Variants in BCOR observed in about 807,000 individuals in gnomAD.
BCOR encodes BCL6 corepressor, also known as BCL-6 corepressor.
A neutral mutation model predicts 86.7 loss-of-function variants in BCOR; 10 were observed. That is an observed-to-expected ratio of 0.12 (90% CI 0.07 to 0.20). The LOEUF is 0.20. Ranked by LOEUF, BCOR falls within the 10% of genes least tolerant of loss-of-function variation. The pLI is 1.00. For missense variants in BCOR, 1,259 were observed against 1,452.1 expected (o/e 0.87, Z 2.16); for synonymous variants, 611 against 609.0 (o/e 1.00, Z -0.05).
intron 1 of BCOR, among the ~76,000 whole-genome samples, chrX:40,080,807 T>C (rs1832265113): frequency 1.1e-5 from 1 of 93,438 alleles, no homozygotes; most frequent in Admixed American, 1.2e-4. Flanking sequence ...AGCAGAGCGG[T>C]TCACTGTCGT....
At chrX:40,109,819 G>A (rs1296350678) in intron 1 of BCOR, among the ~76,000 whole-genome samples, 1 of 112,629 alleles carries the variant, frequency 8.9e-6, no homozygotes, top group African/African-American at 3.2e-5. Context: ...CAAAGTTCCT[G>A]TGGAAACTCC....
At chrX:40,055,579 C>T in intron 11 of BCOR, 66 bp from the exon 12 acceptor site, 3 of 1,157,426 alleles carry the variant, frequency 2.6e-6, no homozygotes, top group Non-Finnish European at 3.5e-6. Context: ...GCAGTTGTCT[C>T]CTTTAAAAGC....
At chrX:40,135,188 C>T (rs1228814430) in intron 1 of BCOR, among the ~76,000 whole-genome samples, 1 of 111,088 alleles carries the variant, frequency 9.0e-6, no homozygotes, top group Non-Finnish European at 1.9e-5. Flanking sequence ...CCTGCACAGC[C>T]TGCGAGACTG....
intron 1 of BCOR, among the ~76,000 whole-genome samples, chrX:40,147,153 T>C (rs111274538): frequency 0.034 from 3,745 of 110,314 alleles, 144 homozygotes; most frequent in African/African-American, 0.12. Flanking sequence ...GCACTCTGGA[T>C]ACCCTCGTCC....
chrX:40,117,211 G>T (rs1043934991), intron 1 of BCOR, among the ~76,000 whole-genome samples: 4 of 111,700 alleles, frequency 3.6e-5, no homozygotes, highest in Non-Finnish European at 5.6e-5. Context: ...CTCCTCAGAA[G>T]AGAGTAAATA....
intron 1 of BCOR, among the ~76,000 whole-genome samples, chrX:40,158,311 G>C (rs1163080152): frequency 3.6e-5 from 4 of 112,094 alleles, no homozygotes; most frequent in Non-Finnish European, 3.8e-5. Context: ...CCCCGGACGC[G>C]GGCGGCTGCG....
At chrX:40,092,386 A>G (rs1451710578) in intron 1 of BCOR, among the ~76,000 whole-genome samples, 4 of 111,007 alleles carry the variant, frequency 3.6e-5, no homozygotes, top group African/African-American at 1.3e-4. Context: ...GCCGGAGTTT[A>G]CGTGCGCGTC....
At chrX:40,117,688 G>A (rs1356382833) in intron 1 of BCOR, among the ~76,000 whole-genome samples, 1 of 111,011 alleles carries the variant, frequency 9.0e-6, no homozygotes, top group Admixed American at 9.6e-5. Flanking sequence ...GGTGGTACAC[G>A]ATCATGGAAA....
intron 1 of BCOR, among the ~76,000 whole-genome samples, chrX:40,122,377 C>T (rs1217432221): frequency 9.0e-6 from 1 of 111,079 alleles, no homozygotes; most frequent in Non-Finnish European, 1.9e-5. Flanking sequence ...ACAAGAACTA[C>T]CCCATCTGGC....
chrX:40,151,355 T>C (rs1466141373), intron 1 of BCOR, among the ~76,000 whole-genome samples: 3 of 112,553 alleles, frequency 2.7e-5, no homozygotes, highest in Admixed American at 9.3e-5. Context: ...TTTCCTGGAA[T>C]GAACAGAAGT....
At chrX:40,062,500 T>C in intron 9 of BCOR, 107 bp from the exon 10 acceptor site, 1 of 1,036,602 alleles carries the variant, frequency 9.6e-7, no homozygotes, top group Non-Finnish European at 1.3e-6. Context: ...AGAGGCACTT[T>C]ATTCCTTATC....
intron 1 of BCOR, among the ~76,000 whole-genome samples, chrX:40,142,085 T>C (rs760485477): frequency 8.9e-6 from 1 of 112,453 alleles, no homozygotes; most frequent in Non-Finnish European, 1.9e-5. Flanking sequence ...ATAGTGCTGG[T>C]AGCCCCCTTT....
chrX:40,062,602 A>G (rs1444678147), intron 9 of BCOR, 144 bp downstream of exon 9: 6 of 748,141 alleles, frequency 8.0e-6, no homozygotes, highest in Non-Finnish European at 1.2e-5. Flanking sequence ...CACCCAGAAG[A>G]CATGCTCCTC....
At chrX:40,121,713 G>T (rs1395083891) in intron 1 of BCOR, among the ~76,000 whole-genome samples, 5 of 112,771 alleles carry the variant, frequency 4.4e-5, no homozygotes, top group Admixed American at 2.8e-4. Context: ...GATGGCTTGG[G>T]AGGCCTCTTT....
At chrX:40,149,824 T>C (rs905538491) in intron 1 of BCOR, among the ~76,000 whole-genome samples, 1 of 111,925 alleles carries the variant, frequency 8.9e-6, no homozygotes, top group Non-Finnish European at 1.9e-5. Flanking sequence ...GGAATCCCAA[T>C]GGCTCCGAAT....
In BCOR at chrX:40,138,059, T is replaced by A. The variant is rs1387250461; in HGVS notation, c.-41+38948A>T. ...CCTCCGCCTTCCGGGTTCAAGTGAT[T>A]CTCCTGCCTCAGCCTCCCGAGTAGC... is the stretch of plus-strand genomic sequence containing the variant. On this transcript the variant is annotated intron_variant, in intron 1 of 14. Transcript: ENST00000342274. Among the ~76,000 whole-genome samples the A allele has an allele frequency of 2.7e-5, 3 of 111,436 alleles. No individual in the cohort carries two copies. In the Admixed American group the frequency reaches 2.8e-4, roughly 11 times the overall value.
At chrX:40,106,190 C>A (rs1187400023) in intron 1 of BCOR, among the ~76,000 whole-genome samples, 7 of 111,426 alleles carry the variant, frequency 6.3e-5, no homozygotes, top group Non-Finnish European at 9.5e-5. Context: ...GCCTCACCCA[C>A]CCCCCACCTC....
chrX:40,070,706 T>A (rs1274044831), intron 6 of BCOR, among the ~76,000 whole-genome samples: 1 of 111,756 alleles, frequency 8.9e-6, no homozygotes, highest in Non-Finnish European at 1.9e-5. Flanking sequence ...CTACAAAATA[T>A]AACCTGTCCC....
At chrX:40,152,890 G>A (rs748750860) in intron 1 of BCOR, among the ~76,000 whole-genome samples, 1 of 113,352 alleles carries the variant, frequency 8.8e-6, no homozygotes, top group Non-Finnish European at 1.9e-5. Flanking sequence ...ATGAGGAAGG[G>A]AAAAGCCGAG....
Sources: gnomAD v4.1 joint callset for allele counts (sites outside exome capture counted in the v4.1 genomes callset) on GRCh38, gnomAD v4.1.1 for gene constraint, MANE v1.5 for transcripts, NCBI Gene and HGNC (gene_info 2026-07-23, HGNC 2026-07-21) for gene names.